The following EXD3 variants were observed in gnomAD, a reference collection of about 807,000 sequenced individuals.
EXD3 encodes exonuclease mut-7 homolog.
In EXD3, 92 loss-of-function variants were observed where a neutral mutation model predicts 98.0. The observed-to-expected ratio is 0.94, with a 90% CI of 0.79 to 1.12. The LOEUF (loss-of-function observed/expected upper bound fraction) is 1.12, where lower values mean the gene tolerates loss of function less well. Ranked by LOEUF, EXD3 falls within the 50% of genes most tolerant of loss-of-function variation. The pLI, the probability that EXD3 is intolerant of heterozygous loss-of-function variation, is 0.00. For missense variants in EXD3, 1,222 were observed against 1,191.6 expected, an observed-to-expected ratio of 1.03 and a Z score of -0.38; for synonymous variants, 569 against 526.0, an observed-to-expected ratio of 1.08 and a Z score of -1.12.
chr9:137,310,012 C>A (rs1040097279), intron 19 of EXD3, among the ~76,000 whole-genome samples: 8 of 152,240 alleles, frequency 5.3e-5, no homozygotes, highest in Admixed American at 2.0e-4. Context: ...AGGTCTGGGT[C>A]CCCCGTGGGC....
chr9:137,354,836 G>T, intron 8 of EXD3, 63 bp from the exon 9 acceptor site: 6 of 1,521,926 alleles, frequency 3.9e-6, no homozygotes, highest in Non-Finnish European at 5.3e-6. Flanking sequence ...CCTCCTTCTG[G>T]GGCGGGCTGG....
intron 14 of EXD3, among the ~76,000 whole-genome samples, chr9:137,350,763 A>T (rs1834256110): frequency 6.6e-6 from 1 of 151,926 alleles, no homozygotes; most frequent in Non-Finnish European, 1.5e-5. Flanking sequence ...CTCCAAGTGG[A>T]ACCCAGGGCT....
intron 19 of EXD3, among the ~76,000 whole-genome samples, chr9:137,322,066 A>G (rs1832059675): frequency 6.6e-6 from 1 of 152,080 alleles, no homozygotes; most frequent in Non-Finnish European, 1.5e-5. Flanking sequence ...AGCCTCCTCT[A>G]TGGATCTCCA....
At chr9:137,411,871 G>T in intron 1 of EXD3, among the ~76,000 whole-genome samples, 1 of 152,194 alleles carries the variant, frequency 6.6e-6, no homozygotes. Context: ...TTCTTGTCCG[G>T]GCGCCAGGTC....
At chr9:137,399,573 T>C (rs535525472) in intron 1 of EXD3, among the ~76,000 whole-genome samples, 26 of 152,344 alleles carry the variant, frequency 1.7e-4, no homozygotes, top group Non-Finnish European at 3.1e-4. Context: ...TCCTCTCTTA[T>C]TCCTGGCTTC....
At chr9:137,413,483 A>G (rs1397554314) in intron 1 of EXD3, among the ~76,000 whole-genome samples, 1 of 147,828 alleles carries the variant, frequency 6.8e-6, no homozygotes, top group East Asian at 2.0e-4. Flanking sequence ...TACAGGCATG[A>G]GCCACCGCGC....
chr9:137,367,033 A>G (rs996859774), intron 6 of EXD3, among the ~76,000 whole-genome samples: 2 of 152,228 alleles, frequency 1.3e-5, no homozygotes, highest in East Asian at 3.9e-4. Context: ...GGTGCCTCCA[A>G]GAGGCCCTGA....
At position 137,349,900 on chromosome 9, in the gene EXD3, G is replaced by A. The variant is rs1027667706; in HGVS notation, c.1495-369C>T. ...GTGCCGTGCATAAAACAGCAGAAAC[G>A]CAGACAAAATGCAGCGAAACCACCC... On this transcript the variant is annotated intron_variant, in intron 14 of 21. Coordinates refer to ENST00000340951, the MANE Select transcript of EXD3 (RefSeq NM_017820.5). This position sits in a 1 kb window ranked among gnomAD's most constrained non-coding sequence, Gnocchi z 7.4. Among the ~76,000 whole-genome samples the A allele has an allele frequency of 2.0e-5, 3 of 152,020 alleles. No homozygotes were observed. Among genetic ancestry groups the A allele is most frequent in the African/African-American group, 7.2e-5 (3 of 41,380 alleles).
intron 19 of EXD3, among the ~76,000 whole-genome samples, chr9:137,312,732 G>A (rs970769040): frequency 4.6e-5 from 7 of 152,176 alleles, no homozygotes; most frequent in African/African-American, 1.4e-4. Context: ...AGGGCTCGAG[G>A]GGTCTGTTCC....
intron 7 of EXD3, chr9:137,365,956 CAT>C (rs756404528): frequency 5.1e-4 from 253 of 493,466 alleles, no homozygotes; most frequent in Non-Finnish European, 8.5e-4. Context: ...CACACACGCA[CAT>C]ATCACGTGCA....
chr9:137,377,883 T>A (rs1308650973), intron 3 of EXD3, among the ~76,000 whole-genome samples: 1 of 124,028 alleles, frequency 8.1e-6, no homozygotes, highest in Non-Finnish European at 1.6e-5. Flanking sequence ...AATCTCTGCC[T>A]CCTCGGTTTA....
chr9:137,353,506 C>T, intron 10 of EXD3: 1 of 987,520 alleles, frequency 1.0e-6, no homozygotes, highest in African/African-American at 1.7e-5. Flanking sequence ...TCACCCATGG[C>T]CCAGGAGCAG....
chr9:137,357,086 T>TCCCAGAACTGCTGTTGAGAC (rs1028879490), intron 7 of EXD3, among the ~76,000 whole-genome samples: 1 of 152,218 alleles, frequency 6.6e-6, no homozygotes, highest in East Asian at 1.9e-4. Flanking sequence ...CAGGCTTGGC[T>TCCCAGAACTGCTGTTGAGAC]CCCAGAACTG....
chr9:137,318,965 T>C (rs1394235369), intron 19 of EXD3, among the ~76,000 whole-genome samples: 3 of 152,226 alleles, frequency 2.0e-5, no homozygotes, highest in African/African-American at 7.2e-5. Context: ...CTGGGAACCC[T>C]GCACGTTGAG....
In EXD3 at chr9:137,366,578, CCA is replaced by C. The variant is rs1484624562; in HGVS notation, c.569_570del (p.Val190GlyfsTer23). The C allele has an allele frequency of 1.9e-6, 3 of 1,553,524 alleles. No homozygotes were observed. In the South Asian group the frequency reaches 3.6e-5, roughly 18 times the overall value. ...CTCCTCTGGAGGTCCGGGAAGCCGG[CCA>C]CATAGCGCTCCACGAGGGCCACCTT... is the stretch of plus-strand genomic sequence containing the variant. ...QDKVALVERY[V>X]AGFPDLQRRL... On this transcript the variant is annotated frameshift_variant, in exon 7 of 22. Coordinates refer to ENST00000340951, the MANE Select transcript of EXD3 (RefSeq NM_017820.5). LOFTEE classifies it high-confidence loss of function.
intron 16 of EXD3, among the ~76,000 whole-genome samples, chr9:137,348,841 G>A (rs1834095212): frequency 6.6e-6 from 1 of 151,264 alleles, no homozygotes; most frequent in African/African-American, 2.4e-5. Flanking sequence ...TGGGCCATGG[G>A]AGGGGCCTGC....
intron 3 of EXD3, chr9:137,381,230 G>A (rs1836247553): frequency 6.6e-6 from 1 of 150,824 alleles, no homozygotes. Flanking sequence ...GGCCAACATG[G>A]TGAAACTCCG....
Position 137,385,306 on chromosome 9 carries a change from C to T in EXD3, c.56-1929G>A, listed in dbSNP as rs1190318459. 1.3e-5 allele frequency among the ~76,000 whole-genome samples: 2 copies of T among 152,140 alleles called. No homozygotes were observed. Among genetic ancestry groups the T allele is most frequent in the African/African-American group, 4.8e-5 (2 of 41,434 alleles). ...CAAGTGCATCAGCCCCGGGACGATG[C>T]CCAGGTGGGGAGGACGTACCCCACC... On this transcript the variant is annotated intron_variant, in intron 2 of 21. Transcript: ENST00000340951. The surrounding 1 kb of genome is among the most constrained non-coding windows in gnomAD (Gnocchi z 4.4).
intron 2 of EXD3, among the ~76,000 whole-genome samples, chr9:137,389,588 G>C (rs1210270641): frequency 6.6e-6 from 1 of 152,170 alleles, no homozygotes; most frequent in Admixed American, 6.5e-5. Flanking sequence ...AGCTCAGGGG[G>C]CATGAGGCGG....
Sources: gnomAD v4.1 joint callset for allele counts (sites outside exome capture counted in the v4.1 genomes callset) on GRCh38, gnomAD v4.1.1 for gene constraint, Gnocchi (gnomAD v3.1) non-coding constraint, MANE v1.5 for transcripts, NCBI Gene and HGNC (gene_info 2026-07-23, HGNC 2026-07-21) for gene names.